PSMB7: variants seen among roughly 807,000 people sequenced by gnomAD.
PSMB7 encodes proteasome 20S subunit beta 7.
A neutral mutation model predicts 28.1 loss-of-function variants in PSMB7; 5 were observed. The observed-to-expected ratio is 0.18, with a 90% CI of 0.09 to 0.37. PSMB7 has a LOEUF of 0.37. Ranked by LOEUF, PSMB7 falls within the 10% of genes least tolerant of loss-of-function variation. PSMB7 has a pLI of 1.00. For missense variants in PSMB7, 275 were observed against 346.2 expected, an observed-to-expected ratio of 0.79 and a Z score of 1.63; for synonymous variants, 122 against 123.7, an observed-to-expected ratio of 0.99 and a Z score of 0.09.
chr9:124,401,895 T>A (rs1434771715), intron 5 of PSMB7, among the ~76,000 whole-genome samples: 1 of 151,900 alleles, frequency 6.6e-6, no homozygotes, highest in African/African-American at 2.4e-5. Flanking sequence ...GGTGCATGCC[T>A]ATAGTCCCAG....
chr9:124,370,025 A>G (rs1043026217), intron 6 of PSMB7, among the ~76,000 whole-genome samples: 10 of 151,930 alleles, frequency 6.6e-5, no homozygotes, highest in Non-Finnish European at 1.3e-4. Flanking sequence ...GATCAACAAA[A>G]CTCAAGGTGA....
chr9:124,360,615 C>A (rs909670082), intron 6 of PSMB7, among the ~76,000 whole-genome samples: 1 of 152,252 alleles, frequency 6.6e-6, no homozygotes, highest in South Asian at 2.1e-4. Flanking sequence ...TCCAGGCCAA[C>A]AGCAGCTTCC....
intron 6 of PSMB7, among the ~76,000 whole-genome samples, chr9:124,379,360 C>A (rs556433936): frequency 6.6e-6 from 1 of 152,234 alleles, no homozygotes; most frequent in African/African-American, 2.4e-5. Flanking sequence ...ATGCCCCAGT[C>A]ACCATGCTAG....
At chr9:124,404,068 G>A (rs1034897870) in intron 5 of PSMB7, among the ~76,000 whole-genome samples, 6 of 151,696 alleles carry the variant, frequency 4.0e-5, no homozygotes, top group South Asian at 2.1e-4. Flanking sequence ...ATATATATAT[G>A]TGGCACAGAC....
chr9:124,377,864 T>C (rs1411314916), intron 6 of PSMB7, among the ~76,000 whole-genome samples: 1 of 152,208 alleles, frequency 6.6e-6, no homozygotes, highest in African/African-American at 2.4e-5. Flanking sequence ...ACCATCACAG[T>C]TGGCATTGAC....
At chr9:124,359,171 T>C (rs1830444838) in intron 6 of PSMB7, among the ~76,000 whole-genome samples, 1 of 152,236 alleles carries the variant, frequency 6.6e-6, no homozygotes, top group African/African-American at 2.4e-5. Context: ...ATAAAGGCTT[T>C]TTTAAATTGG....
chr9:124,414,804 G>C, intron 2 of PSMB7, 38 bp downstream of exon 2: 1 of 1,555,594 alleles, frequency 6.4e-7, no homozygotes, highest in Middle Eastern at 1.8e-4. Flanking sequence ...TCCTGTTGCC[G>C]GTTCAGTCAC....
At chr9:124,365,642 ACTC>A (rs1256247086) in intron 6 of PSMB7, among the ~76,000 whole-genome samples, 1 of 152,132 alleles carries the variant, frequency 6.6e-6, no homozygotes, top group Non-Finnish European at 1.5e-5. Flanking sequence ...AGCTAAAAAA[ACTC>A]CTCCAGGCTG....
intron 6 of PSMB7, among the ~76,000 whole-genome samples, chr9:124,375,411 G>A (rs568839500): frequency 4.6e-5 from 7 of 152,208 alleles, no homozygotes; most frequent in Admixed American, 2.0e-4. Context: ...CGATCCGCCC[G>A]TCTTGGCCTC....
chr9:124,406,942 G>A (rs1830972573), intron 4 of PSMB7, among the ~76,000 whole-genome samples: 1 of 151,818 alleles, frequency 6.6e-6, no homozygotes, highest in Non-Finnish European at 1.5e-5. Flanking sequence ...AGCCGAGGTC[G>A]CATCACTGCA....
intron 5 of PSMB7, among the ~76,000 whole-genome samples, chr9:124,396,337 A>C (rs1179163922): frequency 6.6e-6 from 1 of 152,076 alleles, no homozygotes; most frequent in Non-Finnish European, 1.5e-5. Flanking sequence ...TAGTGTAAAA[A>C]TACAGAAAAG....
chr9:124,406,629 A>G (rs1239040104), intron 4 of PSMB7, among the ~76,000 whole-genome samples: 1 of 152,200 alleles, frequency 6.6e-6, no homozygotes, highest in Admixed American at 6.5e-5. Flanking sequence ...TCAAAAAAAA[A>G]GTATTTCATC....
At chr9:124,377,544 G>C (rs994737640) in intron 6 of PSMB7, among the ~76,000 whole-genome samples, 1 of 152,140 alleles carries the variant, frequency 6.6e-6, no homozygotes, top group Admixed American at 6.5e-5. Context: ...AACCATATTG[G>C]TATCAACTCT....
intron 6 of PSMB7, among the ~76,000 whole-genome samples, chr9:124,361,856 A>C (rs1223338040): frequency 6.6e-6 from 1 of 152,270 alleles, no homozygotes; most frequent in African/African-American, 2.4e-5. Flanking sequence ...TAGTACTGCC[A>C]AGAAACTTTT....
intron 6 of PSMB7, among the ~76,000 whole-genome samples, chr9:124,380,899 T>G (rs1347281876): frequency 3.3e-5 from 5 of 152,264 alleles, no homozygotes; most frequent in Non-Finnish European, 5.9e-5. Context: ...AACGCAGTGA[T>G]AGGCTGGCCC....
At chr9:124,415,168 G>A (rs1015450741) in intron 1 of PSMB7, 196 bp downstream of exon 1, 8 of 652,682 alleles carry the variant, frequency 1.2e-5, no homozygotes, top group Non-Finnish European at 2.1e-5. Flanking sequence ...GAGTGCGCTG[G>A]GAAGGTGGGA....
intron 6 of PSMB7, among the ~76,000 whole-genome samples, chr9:124,370,361 G>GAA (rs35515597): frequency 1.8e-4 from 26 of 141,728 alleles, no homozygotes; most frequent in Middle Eastern, 3.7e-3. Context: ...GGCTGTCATG[G>GAA]AAAAAAAAAA....
chr9:124,409,623 T>C (rs1284846044), intron 4 of PSMB7, among the ~76,000 whole-genome samples: 1 of 152,242 alleles, frequency 6.6e-6, no homozygotes, highest in African/African-American at 2.4e-5. Flanking sequence ...CTTGTACTCT[T>C]TTTCAGACTG....
intron 6 of PSMB7, among the ~76,000 whole-genome samples, chr9:124,378,176 G>C (rs1830632029): frequency 6.6e-6 from 1 of 152,244 alleles, no homozygotes; most frequent in Admixed American, 6.5e-5. Flanking sequence ...TTTTCAAGTT[G>C]CTATTATTGC....
Sources: allele counts gnomAD v4.1 joint callset (sites outside exome capture counted in the v4.1 genomes callset), GRCh38; gene constraint gnomAD v4.1.1; transcripts MANE v1.5; gene names NCBI Gene and HGNC (gene_info 2026-07-23, HGNC 2026-07-21).